Variants in RIMS1 observed in about 807,000 individuals in gnomAD.
The protein encoded by RIMS1 is regulating synaptic membrane exocytosis protein 1.
Under a neutral mutation model 214.1 loss-of-function variants are expected in RIMS1, and 83 were observed. That is an observed-to-expected ratio of 0.39 (90% confidence interval 0.32 to 0.47). The LOEUF is 0.47. RIMS1 is among the 20% of genes least tolerant of loss of function. RIMS1 has a pLI of 0.99. For synonymous variants in RIMS1, 793 were observed against 786.8 expected (o/e 1.01, Z -0.13); for missense variants, 2,050 against 2,161.8 (o/e 0.95, Z 1.03).
rs183157196 is a variant in RIMS1, at chr6:72,158,355, T to C, written c.472-21220T>C. ...GTTGAGAAGTTAGTTATCAATATTA[T>C]GGTTACTCCTTTGAAAATAATGTGT... On this transcript the variant is annotated intron_variant, in intron 4 of 33. Transcript: ENST00000521978. Among the ~76,000 whole-genome samples, 263 of 141,250 alleles carry C rather than the reference T, an allele frequency of 1.9e-3. 46 individuals carry two copies. The highest frequency in any genetic ancestry group is 2.7e-3 in the Non-Finnish European group (170 of 62,042). 92.7% of individuals were successfully genotyped at this position (141,250 alleles called of 152,430 possible). A position where few individuals can be genotyped will look rare whatever the true frequency, so the allele number is the denominator to read the frequency against.
chr6:72,279,754 G>A (rs1309969822), intron 23 of RIMS1, among the ~76,000 whole-genome samples: 2 of 151,934 alleles, frequency 1.3e-5, no homozygotes, highest in African/African-American at 4.8e-5. Context: ...GTGTGATGGT[G>A]TTATCCTCAT....
rs552247029 is a variant in RIMS1, at chr6:72,182,394, G to C, written c.923G>C (p.Arg308Pro). ...AQPVEGAVEE[R>P]ERKERRESRR... ...CCCGTGGAGGGGGCCGTCGAAGAAC[G>C]GGAGCGCAAAGAAAGGCGGGAAAGC... Residue 308 changes from arginine (R) to proline (P), a missense_variant, in exon 6 of 34, where the codon CGG becomes CCG. Physicochemically the swap from Arg to Pro is moderately radical, Grantham distance 103. This residue lies in a region of RIMS1 where 882 missense variants were observed against 828.9 expected (regional missense o/e 1.06). Transcript: ENST00000521978. 3.4e-5 allele frequency: 55 copies of C among 1,613,936 alleles called. No homozygotes were observed. The highest frequency in any genetic ancestry group is 2.0e-4 in the African/African-American group (15 of 75,070).
chr6:71,997,341 A>C (rs1264980716), intron 2 of RIMS1, among the ~76,000 whole-genome samples: 1 of 152,208 alleles, frequency 6.6e-6, no homozygotes, highest in Non-Finnish European at 1.5e-5. Context: ...GTTTCTTTGA[A>C]TACAGTATCA....
chr6:72,249,585 C>G (rs2154132442), intron 12 of RIMS1, among the ~76,000 whole-genome samples: 1 of 152,154 alleles, frequency 6.6e-6, no homozygotes, highest in Non-Finnish European at 1.5e-5. Flanking sequence ...AGCCTGGCAA[C>G]ATAGCAAGAC....
intron 2 of RIMS1, among the ~76,000 whole-genome samples, chr6:72,042,550 G>A (rs767878499): frequency 1.4e-4 from 21 of 151,724 alleles, no homozygotes; most frequent in African/African-American, 2.9e-4. Flanking sequence ...TACATGTGCC[G>A]TAATTTATTT....
At chr6:72,008,924 A>T (rs1273088343) in intron 2 of RIMS1, among the ~76,000 whole-genome samples, 1 of 152,174 alleles carries the variant, frequency 6.6e-6, no homozygotes, top group East Asian at 1.9e-4. Flanking sequence ...ACGAGACAGA[A>T]AGTTAACAAG....
intron 2 of RIMS1, among the ~76,000 whole-genome samples, chr6:72,055,543 G>A (rs537763162): frequency 2.0e-5 from 3 of 152,294 alleles, no homozygotes; most frequent in South Asian, 4.1e-4. Flanking sequence ...CCAGCACTGT[G>A]CTGAATAGGA....
At chr6:72,054,408 G>C (rs1027249936) in intron 2 of RIMS1, among the ~76,000 whole-genome samples, 2 of 152,122 alleles carry the variant, frequency 1.3e-5, no homozygotes, top group South Asian at 4.1e-4. Flanking sequence ...TGTCTTTATA[G>C]TAGAATGATT....
intron 6 of RIMS1, among the ~76,000 whole-genome samples, chr6:72,221,753 A>T (rs959295525): frequency 2.6e-5 from 4 of 151,918 alleles, no homozygotes; most frequent in African/African-American, 9.7e-5. Context: ...TAAAAGATAA[A>T]ATTAAGCTAT....
intron 4 of RIMS1, among the ~76,000 whole-genome samples, chr6:72,175,129 G>C (rs1357881773): frequency 1.3e-5 from 2 of 152,106 alleles, no homozygotes; most frequent in Non-Finnish European, 2.9e-5. Flanking sequence ...TTACTGAATA[G>C]AGAAAGGAAA....
chr6:72,367,399 T>C (rs1218971953), intron 29 of RIMS1, among the ~76,000 whole-genome samples: 1 of 152,226 alleles, frequency 6.6e-6, no homozygotes, highest in Non-Finnish European at 1.5e-5. Flanking sequence ...ATCAGTCACA[T>C]TTTCTATTTA....
At chr6:72,240,713 C>T (rs1007287030) in intron 9 of RIMS1, among the ~76,000 whole-genome samples, 3 of 131,812 alleles carry the variant, frequency 2.3e-5, no homozygotes, top group Non-Finnish European at 4.6e-5. Context: ...TTAGGGCAGT[C>T]TATTAGAATT....
intron 2 of RIMS1, among the ~76,000 whole-genome samples, chr6:72,056,449 A>T (rs1159436930): frequency 6.6e-6 from 1 of 152,266 alleles, no homozygotes; most frequent in East Asian, 1.9e-4. Context: ...AATGTAAATT[A>T]TAGAAGTTTA....
At chr6:72,274,869 G>T (rs1177707089) in intron 23 of RIMS1, among the ~76,000 whole-genome samples, 2 of 151,628 alleles carry the variant, frequency 1.3e-5, no homozygotes, top group East Asian at 1.9e-4. Flanking sequence ...TGAAGTTTAG[G>T]CTTTGATTAT....
chr6:72,380,225 C>A (rs369818407), intron 29 of RIMS1, among the ~76,000 whole-genome samples: 7 of 152,026 alleles, frequency 4.6e-5, no homozygotes, highest in African/African-American at 1.7e-4. Flanking sequence ...GGGTGGGGAA[C>A]GTCACACACC....
At chr6:72,180,656 G>C (rs546499450) in intron 5 of RIMS1, among the ~76,000 whole-genome samples, 3 of 152,330 alleles carry the variant, frequency 2.0e-5, no homozygotes, top group South Asian at 4.1e-4. Context: ...GCTATGCACT[G>C]GGAAAAAGTG....
chr6:72,099,509 TTTTA>T (rs2032982991), intron 3 of RIMS1, among the ~76,000 whole-genome samples: 2 of 152,220 alleles, frequency 1.3e-5, no homozygotes, highest in African/African-American at 4.8e-5. Flanking sequence ...CTCTTCCCAT[TTTTA>T]TTTATTATAA....
At chr6:72,278,213 G>A (rs2087809831) in intron 23 of RIMS1, among the ~76,000 whole-genome samples, 1 of 150,304 alleles carries the variant, frequency 6.7e-6, no homozygotes, top group Admixed American at 6.6e-5. Context: ...GATTTTTAAG[G>A]GTACAATTTA....
At chr6:72,262,611 T>C (rs1591094018) in intron 19 of RIMS1, 17 of 938,484 alleles carry the variant, frequency 1.8e-5, no homozygotes, top group Non-Finnish European at 2.0e-5. Flanking sequence ...GTATATATAA[T>C]CTCTTCTGTG....
Sources: allele counts gnomAD v4.1 joint callset (sites outside exome capture counted in the v4.1 genomes callset), GRCh38; gene constraint gnomAD v4.1.1; regional missense constraint gnomAD v4.1.1; transcripts MANE v1.5; gene names NCBI Gene and HGNC (gene_info 2026-07-23, HGNC 2026-07-21).